The following TCF12 variants were observed in gnomAD, a reference collection of about 807,000 sequenced individuals.
TCF12 encodes the protein DNA-binding protein HTF4.
A neutral mutation model predicts 86.0 loss-of-function variants in TCF12; 45 were observed. That is an observed-to-expected ratio of 0.52 (90% confidence interval 0.41 to 0.67). The LOEUF (loss-of-function observed/expected upper bound fraction) is 0.67. Ranked by LOEUF, TCF12 falls within the 30% of genes least tolerant of loss-of-function variation. The pLI is 0.00. For synonymous variants in TCF12, 330 were observed against 299.6 expected (o/e 1.10, Z -1.05); for missense variants, 881 against 859.9 (o/e 1.02, Z -0.31).
intron 4 of TCF12, among the ~76,000 whole-genome samples, chr15:57,068,411 A>T (rs1386283144): frequency 6.6e-6 from 1 of 152,232 alleles, no homozygotes; most frequent in East Asian, 1.9e-4. Context: ...AGTGTAATAA[A>T]TGAGAATTAT....
In TCF12 at chr15:57,229,264, C is replaced by T. The variant is rs2059023390; in HGVS notation, c.580-1888C>T. 2.0e-5 allele frequency among the ~76,000 whole-genome samples: 3 copies of T among 152,080 alleles called. No homozygotes were observed. The South Asian group carries it at 6.2e-4, about 31-fold the overall frequency. On this transcript the variant is annotated intron_variant, in intron 8 of 20. Transcript: ENST00000333725. ...CAGCCTGTACAATACATTGCAGACA[C>T]ATTGGTATATAGTCAGTTATTTTAT...
chr15:57,021,210 T>A (rs1404148879), intron 3 of TCF12, among the ~76,000 whole-genome samples: 2 of 152,194 alleles, frequency 1.3e-5, no homozygotes, highest in African/African-American at 4.8e-5. Context: ...GGGCAGAGTA[T>A]GGGTCAAGAG....
At chr15:57,010,128 C>G (rs1371811011) in intron 3 of TCF12, among the ~76,000 whole-genome samples, 1 of 152,060 alleles carries the variant, frequency 6.6e-6, no homozygotes, top group African/African-American at 2.4e-5. Context: ...ACATGTTTTA[C>G]TTAGTTGTGT....
At chr15:57,117,571 A>T (rs749546840) in intron 5 of TCF12, among the ~76,000 whole-genome samples, 9 of 152,186 alleles carry the variant, frequency 5.9e-5, no homozygotes, top group East Asian at 1.9e-4. Context: ...GTTTGTAAGC[A>T]TCAGTTTCTT....
intron 4 of TCF12, among the ~76,000 whole-genome samples, chr15:57,072,275 C>T (rs553876807): frequency 1.3e-5 from 2 of 152,218 alleles, no homozygotes; most frequent in African/African-American, 4.8e-5. Flanking sequence ...CTCACTTCAC[C>T]CACAAAATGG....
intron 3 of TCF12, among the ~76,000 whole-genome samples, chr15:56,958,115 G>T (rs1258236488): frequency 6.6e-6 from 1 of 152,152 alleles, no homozygotes; most frequent in Non-Finnish European, 1.5e-5. Context: ...GCACGTGCCA[G>T]TTAGTACTCA....
intron 5 of TCF12, among the ~76,000 whole-genome samples, chr15:57,116,710 T>C (rs1163977985): frequency 4.6e-5 from 7 of 152,214 alleles, no homozygotes; most frequent in African/African-American, 1.2e-4. Context: ...TTAAATGATA[T>C]ATGAGAGCTA....
intron 5 of TCF12, among the ~76,000 whole-genome samples, chr15:57,158,118 A>G (rs1596906144): frequency 6.6e-6 from 1 of 150,862 alleles, no homozygotes; most frequent in Non-Finnish European, 1.5e-5. Context: ...GAGGAAGGGT[A>G]GTTGAGTTGG....
chr15:57,226,666 G>A (rs1025979151), intron 8 of TCF12, among the ~76,000 whole-genome samples: 6 of 152,096 alleles, frequency 3.9e-5, no homozygotes, highest in Admixed American at 2.6e-4. Context: ...AGGTGAAGGT[G>A]TTCTCAAAAT....
At chr15:57,089,937 A>G (rs1314504502) in intron 4 of TCF12, among the ~76,000 whole-genome samples, 1 of 152,178 alleles carries the variant, frequency 6.6e-6, no homozygotes, top group African/African-American at 2.4e-5. Flanking sequence ...TCTATGGGCC[A>G]GGCATGGTGG....
chr15:57,158,792 A>T (rs529930008), intron 5 of TCF12, among the ~76,000 whole-genome samples: 125 of 152,304 alleles, frequency 8.2e-4, no homozygotes, highest in Non-Finnish European at 1.5e-3. Flanking sequence ...CATCATTCAT[A>T]GCTGTGTGAG....
In TCF12 at chr15:57,057,712, G is replaced by A. The variant is rs1341664381; in HGVS notation, c.149-6038G>A. On this transcript the variant is annotated intron_variant, in intron 3 of 20. Transcript: ENST00000333725. Reference sequence around the variant, plus strand: ...TGAATGAGTTGGGAAGCCATTGGTAGGTTTTGAGCACAGGATGGACATGAT... The same window carrying A: ...TGAATGAGTTGGGAAGCCATTGGTAAGTTTTGAGCACAGGATGGACATGAT... Among the ~76,000 whole-genome samples the A allele has an allele frequency of 5.9e-5, 9 of 152,278 alleles. No individual in the cohort carries two copies. In the South Asian group the frequency reaches 1.2e-3, roughly 21 times the overall value.
chr15:57,206,005 A>G (rs2057791218), intron 8 of TCF12, among the ~76,000 whole-genome samples: 1 of 152,066 alleles, frequency 6.6e-6, no homozygotes, highest in South Asian at 2.1e-4. Flanking sequence ...ATTTACAGGT[A>G]GCTTTTAAGG....
chr15:57,223,686 A>G lies in TCF12; in HGVS notation c.580-7466A>G, dbSNP rs1377983093. The stretch of plus-strand genomic sequence containing the variant: ...TTTTTTTTTTTAGAAATAGAGTAGC[A>G]AGTAAGTAAAATTACATTGTAAATA... On this transcript the variant is annotated intron_variant, in intron 8 of 20. Transcript: ENST00000333725. Among the ~76,000 whole-genome samples, 22 of 104,318 alleles carry G rather than the reference A, an allele frequency of 2.1e-4. 1 individual carries two copies. The highest frequency in any genetic ancestry group is 1.8e-3 in the Admixed American group (16 of 9,024). 68.4% of individuals were successfully genotyped at this position (104,318 alleles called of 152,430 possible). A position where few individuals can be genotyped will look rare whatever the true frequency, so the allele number is the denominator to read the frequency against.
intron 5 of TCF12, among the ~76,000 whole-genome samples, chr15:57,120,437 GT>G (rs1171596542): frequency 3.9e-5 from 6 of 152,102 alleles, no homozygotes; most frequent in African/African-American, 1.4e-4. Flanking sequence ...CTCAATAATT[GT>G]TTGTTGAACT....
intron 3 of TCF12, among the ~76,000 whole-genome samples, chr15:57,005,346 T>C (rs1596070568): frequency 6.6e-6 from 1 of 152,098 alleles, no homozygotes; most frequent in African/African-American, 2.4e-5. Flanking sequence ...ACACTGCACG[T>C]GTTTCCTAGA....
At chr15:57,247,956 T>G in intron 13 of TCF12, 1 of 746,588 alleles carries the variant, frequency 1.3e-6, no homozygotes, top group Admixed American at 1.8e-5. Flanking sequence ...AAAGCTCTGG[T>G]TCCTTTGAAT....
At chr15:57,046,629 T>A (rs1271284003) in intron 3 of TCF12, among the ~76,000 whole-genome samples, 1 of 151,796 alleles carries the variant, frequency 6.6e-6, no homozygotes, top group African/African-American at 2.4e-5. Context: ...GTTTTTTGAT[T>A]TTTTTTTAGC....
chr15:57,067,538 C>CAA (rs141377160), intron 4 of TCF12, among the ~76,000 whole-genome samples: 762 of 57,974 alleles, frequency 0.013, 20 homozygotes, highest in African/African-American at 0.027. Flanking sequence ...GACTCCGTCT[C>CAA]AAAAAAAAAA....
Sources: gnomAD v4.1 joint callset for allele counts (sites outside exome capture counted in the v4.1 genomes callset) on GRCh38, gnomAD v4.1.1 for gene constraint, MANE v1.5 for transcripts, NCBI Gene and HGNC (gene_info 2026-07-23, HGNC 2026-07-21) for gene names.